Variants in PCBD2 observed in about 807,000 individuals in gnomAD.
PCBD2 encodes pterin-4-alpha-carbinolamine dehydratase 2.
In PCBD2, 12 loss-of-function variants were observed where a neutral mutation model predicts 16.4. That is an observed-to-expected ratio of 0.73 (90% confidence interval 0.47 to 1.19). PCBD2 has a LOEUF of 1.19. PCBD2 is among the 50% of genes most tolerant of loss of function. PCBD2 has a pLI of 0.00. For missense variants in PCBD2, 138 were observed against 156.8 expected, an observed-to-expected ratio of 0.88 and a Z score of 0.64; for synonymous variants, 58 against 61.8, an observed-to-expected ratio of 0.94 and a Z score of 0.29.
At chr5:134,930,057 G>A (rs1365607108) in intron 2 of PCBD2, among the ~76,000 whole-genome samples, 1 of 152,180 alleles carries the variant, frequency 6.6e-6, no homozygotes, top group Non-Finnish European at 1.5e-5. Context: ...CAATATTAGA[G>A]CTAGAAAGGA....
intron 2 of PCBD2, chr5:134,923,617 C>A: frequency 2.8e-6 from 1 of 362,182 alleles, no homozygotes. Context: ...TTTGTAATTA[C>A]TGTGGCCCCT....
chr5:134,925,843 G>A (rs1327890612), intron 2 of PCBD2: 1 of 394,262 alleles, frequency 2.5e-6, no homozygotes, highest in African/African-American at 2.1e-5. Flanking sequence ...GCTTGGATTA[G>A]CACTTAGGAG....
chr5:134,911,164 C>T (rs985857878), intron 2 of PCBD2, among the ~76,000 whole-genome samples: 1 of 152,210 alleles, frequency 6.6e-6, no homozygotes, highest in African/African-American at 2.4e-5. Flanking sequence ...CTTATTTTCC[C>T]TGACTTTTTC....
At chr5:134,913,904 GA>G (rs2149530657) in intron 2 of PCBD2, among the ~76,000 whole-genome samples, 1 of 152,274 alleles carries the variant, frequency 6.6e-6, no homozygotes, top group Non-Finnish European at 1.5e-5. Context: ...AGTGCCACTG[GA>G]GCCATTTACT....
At chr5:134,954,637 G>A (rs541697169) in intron 2 of PCBD2, among the ~76,000 whole-genome samples, 5 of 152,182 alleles carry the variant, frequency 3.3e-5, no homozygotes, top group Non-Finnish European at 7.4e-5. Context: ...GCTTAGCTGG[G>A]TATAAAATTC....
At chr5:134,952,607 C>G (rs963419585) in intron 2 of PCBD2, among the ~76,000 whole-genome samples, 3 of 151,956 alleles carry the variant, frequency 2.0e-5, no homozygotes, top group African/African-American at 7.3e-5. Context: ...AGTTCAAGAC[C>G]AGGCTGGGCA....
rs985799525 is a variant in PCBD2, at chr5:134,953,611, A to G, written c.217-5429A>G. On this transcript the variant is annotated intron_variant, in intron 2 of 3. Coordinates refer to ENST00000254908, the MANE Select transcript of PCBD2 (RefSeq NM_032151.5). ...GGAGTTCAAGACCAGCTGGGCCAAC[A>G]TGGCGAAATCCTGTCTCTACTAAAA... 6.6e-5 allele frequency among the ~76,000 whole-genome samples: 10 copies of G among 152,200 alleles called. No individual in the cohort carries two copies. In the East Asian group the frequency reaches 1.7e-3, roughly 27 times the overall value.
At chr5:134,924,559 A>G in intron 2 of PCBD2, 1 of 398,716 alleles carries the variant, frequency 2.5e-6, no homozygotes, top group Non-Finnish European at 4.4e-6. Context: ...GGGGCTTTGT[A>G]TGATTATGGG....
intron 2 of PCBD2, among the ~76,000 whole-genome samples, chr5:134,931,043 G>A (rs1189403935): frequency 6.6e-6 from 1 of 151,834 alleles, no homozygotes; most frequent in Non-Finnish European, 1.5e-5. Flanking sequence ...TCAGCCTACC[G>A]AGTAGCTGGG....
intron 2 of PCBD2, among the ~76,000 whole-genome samples, chr5:134,913,546 G>C (rs768516558): frequency 6.6e-6 from 1 of 152,188 alleles, no homozygotes; most frequent in African/African-American, 2.4e-5. Flanking sequence ...CCTTCTTGGC[G>C]TGGTGAGGAG....
At chr5:134,942,005 C>G (rs527694841) in intron 2 of PCBD2, among the ~76,000 whole-genome samples, 2 of 149,970 alleles carry the variant, frequency 1.3e-5, no homozygotes, top group South Asian at 4.2e-4. Context: ...TGGCGGGTGC[C>G]TGTAGTCCCA....
intron 1 of PCBD2, among the ~76,000 whole-genome samples, chr5:134,906,216 T>TTG (rs1236702026): frequency 1.4e-5 from 2 of 141,588 alleles, no homozygotes; most frequent in Non-Finnish European, 3.0e-5. Context: ...TTTTTTTTTT[T>TTG]TTTTTGAGAA....
rs1412464236 is a variant in PCBD2, at chr5:134,907,920, AC to A, written c.85-2414del. Among the ~76,000 whole-genome samples the A allele has an allele frequency of 4.4e-5, 5 of 114,842 alleles. No individual in the cohort carries two copies. The Admixed American group carries it at 4.6e-4, about 11-fold the overall frequency. 75.3% of individuals were successfully genotyped at this position (114,842 alleles called of 152,430 possible). On this transcript the variant is annotated intron_variant, in intron 1 of 3. Coordinates refer to ENST00000254908, the MANE Select transcript of PCBD2 (RefSeq NM_032151.5). The stretch of plus-strand genomic sequence containing the variant: ...TACAGGTGTGAGCCACCACGCCCGG[AC>A]TTTTTTTTTTTTTTTTAAGAGACAG...
At chr5:134,934,109 G>A (rs1034569629) in intron 2 of PCBD2, among the ~76,000 whole-genome samples, 1 of 152,142 alleles carries the variant, frequency 6.6e-6, no homozygotes, top group African/African-American at 2.4e-5. Flanking sequence ...GAGTGGTTCA[G>A]GAAGGGTTTC....
In PCBD2 at chr5:134,937,663, A is replaced by G. The variant is rs377537519; in HGVS notation, c.217-21377A>G. ...TTCCAGGCCAAAGCTGACCTTTCAC[A>G]TGTGCTCCGTTCACAGTAGGAATCT... On this transcript the variant is annotated intron_variant, in intron 2 of 3. Transcript: ENST00000254908. 3.9e-5 allele frequency among the ~76,000 whole-genome samples: 6 copies of G among 152,338 alleles called. No individual in the cohort carries two copies. The East Asian group carries it at 9.6e-4, about 24-fold the overall frequency.
At chr5:134,905,448 TCCG>T (rs1406809965) in intron 1 of PCBD2, 1 of 372,976 alleles carries the variant, frequency 2.7e-6, no homozygotes, top group East Asian at 4.0e-5. Context: ...ACTTTACACT[TCCG>T]CCGAAGCCTA....
intron 2 of PCBD2, among the ~76,000 whole-genome samples, chr5:134,916,348 A>G (rs997647577): frequency 1.2e-4 from 18 of 152,218 alleles, no homozygotes; most frequent in African/African-American, 4.3e-4. Flanking sequence ...ATTGCTCAAT[A>G]GGTTATGAGC....
intron 3 of PCBD2, 59 bp from the exon 4 acceptor site, chr5:134,960,527 A>G: frequency 1.6e-6 from 2 of 1,235,594 alleles, no homozygotes; most frequent in Non-Finnish European, 2.3e-6. Flanking sequence ...TGAACTGCCA[A>G]AGGAAAATAA....
At chr5:134,907,407 C>T (rs1750708951) in intron 1 of PCBD2, among the ~76,000 whole-genome samples, 1 of 152,072 alleles carries the variant, frequency 6.6e-6, no homozygotes, top group African/African-American at 2.4e-5. Flanking sequence ...CCACGCTTGG[C>T]TAATTTTTGT....
Sources: gnomAD v4.1 joint callset for allele counts (sites outside exome capture counted in the v4.1 genomes callset) on GRCh38, gnomAD v4.1.1 for gene constraint, MANE v1.5 for transcripts, NCBI Gene and HGNC (gene_info 2026-07-23, HGNC 2026-07-21) for gene names.